The following ERP29 variants were observed in gnomAD, a reference collection of about 807,000 sequenced individuals.
ERP29 encodes endoplasmic reticulum resident protein 29.
A neutral mutation model predicts 21.7 loss-of-function variants in ERP29; 14 were observed. The ratio of observed to expected loss-of-function variants is 0.64; its 90% confidence interval spans 0.43 to 1.01. The LOEUF is 1.01. ERP29 is among the 50% of genes least tolerant of loss of function. The pLI is 0.00. For missense variants in ERP29, 286 were observed against 327.3 expected (o/e 0.87, Z 0.97); for synonymous variants, 129 against 139.1 (o/e 0.93, Z 0.51).
chr12:112,020,211 G>T (rs1489976329), intron 2 of ERP29, among the ~76,000 whole-genome samples: 6 of 152,086 alleles, frequency 3.9e-5, no homozygotes, highest in African/African-American at 1.4e-4. Flanking sequence ...CTGGGCAGAG[G>T]GGGTGCTATG....
rs964229041 is a variant in ERP29 at position 112,022,719 on chromosome 12, G to C, written c.*67G>C. ...AGGGGAGAGTTAACCTGCTGGCTGT[G>C]AGTCCCTTGTGGAATATAAGGGGGT... On this transcript the variant is annotated 3_prime_UTR_variant, in exon 3 of 3. Coordinates refer to ENST00000261735, the MANE Select transcript of ERP29 (RefSeq NM_006817.4). 10 of 1,500,652 alleles carry C rather than the reference G, an allele frequency of 6.7e-6. No individual in the cohort carries two copies. Among genetic ancestry groups the C allele is most frequent in the Non-Finnish European group, 8.9e-6 (10 of 1,118,780 alleles). The allele number at this position is 1,500,652 out of a possible 1,614,324, so 93.0% of individuals were successfully genotyped here.
intron 1 of ERP29, among the ~76,000 whole-genome samples, chr12:112,017,854 G>A (rs916227834): frequency 1.3e-4 from 18 of 141,426 alleles, no homozygotes; most frequent in African/African-American, 3.8e-4. Context: ...GCGCGATCTC[G>A]GCTCACCGCA....
chr12:112,015,202 T>C (rs1227674275), intron 1 of ERP29: 1 of 132,924 alleles, frequency 7.5e-6, no homozygotes, highest in African/African-American at 2.9e-5. Flanking sequence ...AAAAAAAAAG[T>C]GTGGGCTGGG....
Position 112,022,621 on chromosome 12 carries a change from A to G in ERP29, c.755A>G (p.Gln252Arg). The change falls in exon 3 of 3, where the codon CAG becomes CGG. Residue 252 changes from glutamine to arginine, a missense_variant. By Grantham distance (43) the Gln-to-Arg change is conservative. Coordinates refer to ENST00000261735, the MANE Select transcript of ERP29 (RefSeq NM_006817.4). ...AGCTTAAACATCCTGACTGCCTTCC[A>G]GAAGAAGGGGGCCGAGAAAGAGGAG... is the stretch of plus-strand genomic sequence containing the variant. ...QKSLNILTAF[Q>R]KKGAEKEEL 5 of 1,612,066 alleles carry G rather than the reference A, an allele frequency of 3.1e-6. No individual in the cohort carries two copies. The highest frequency in any genetic ancestry group is 4.2e-6 in the Non-Finnish European group (5 of 1,178,836).
Position 112,022,490 on chromosome 12 carries a change from G to A in ERP29, c.624G>A (p.Lys208=). ...AGCAATACCTGAAGATCATGGGGAA[G>A]ATCTTAGACCAAGGGGAGGACTTCC... ...WAEQYLKIMG[K]ILDQGEDFPA... is the part of the protein sequence containing the mutation. The change falls in exon 3 of 3, where the codon AAG becomes AAA. Residue 208 remains lysine (K), a synonymous_variant. Transcript: ENST00000261735. The A allele has an allele frequency of 6.2e-7, 1 of 1,614,198 alleles. No homozygotes were observed. The highest frequency in any genetic ancestry group is 8.5e-7 in the Non-Finnish European group (1 of 1,180,034).
chr12:112,022,472 C>T lies in ERP29; in HGVS notation c.606C>T (p.Tyr202=). 1 of 1,614,124 alleles carries T rather than the reference C, an allele frequency of 6.2e-7. No homozygotes were observed. The highest frequency in any genetic ancestry group is 1.1e-5 in the South Asian group (1 of 91,074). The change falls in exon 3 of 3, where the codon TAC becomes TAT. Residue 202 remains tyrosine (Y), a synonymous_variant. Coordinates refer to ENST00000261735, the MANE Select transcript of ERP29 (RefSeq NM_006817.4). The part of the protein sequence containing the change: ...KETQKKWAEQ[Y]LKIMGKILDQ... Reference sequence around the variant, plus strand: ...CTCAGAAGAAGTGGGCCGAGCAATACCTGAAGATCATGGGGAAGATCTTAG... The same window carrying T: ...CTCAGAAGAAGTGGGCCGAGCAATATCTGAAGATCATGGGGAAGATCTTAG...
rs2078058998 is a variant in ERP29, at chr12:112,022,778, G to A, written c.*126G>A. On this transcript the variant is annotated 3_prime_UTR_variant, in exon 3 of 3. Coordinates refer to ENST00000261735, the MANE Select transcript of ERP29 (RefSeq NM_006817.4). Reference sequence around the variant, plus strand: ...AAGTGGTACTAACCCACGATTCTGAGCCCTGAGTATGCCTGGACATTGATG... The same window carrying A: ...AAGTGGTACTAACCCACGATTCTGAACCCTGAGTATGCCTGGACATTGATG... 2.1e-6 allele frequency: 2 copies of A among 933,324 alleles called. No homozygotes were observed. The highest frequency in any genetic ancestry group is 3.2e-6 in the Non-Finnish European group (2 of 627,140). The allele number at this position is 933,324 out of a possible 1,614,324, so 57.8% of individuals were successfully genotyped here. A position where few individuals can be genotyped will look rare whatever the true frequency, so the allele number is the denominator to read the frequency against.
intron 1 of ERP29, among the ~76,000 whole-genome samples, chr12:112,017,846 G>A (rs931044283): frequency 2.1e-5 from 3 of 145,982 alleles, no homozygotes; most frequent in Non-Finnish European, 4.5e-5. Context: ...GTGCAGTGGC[G>A]CGATCTCGGC....
chr12:112,019,515 A>T, intron 1 of ERP29: 1 of 535,098 alleles, frequency 1.9e-6, no homozygotes, highest in Non-Finnish European at 3.4e-6. Context: ...TTTATTCTGG[A>T]CAGGGTTGTG....
Position 112,013,444 on chromosome 12 carries a change from C to G in ERP29, c.-22C>G. 6.2e-7 allele frequency: 1 copy of G among 1,602,108 alleles called. No homozygotes were observed. Among genetic ancestry groups the G allele is most frequent in the Non-Finnish European group, 8.5e-7 (1 of 1,174,350 alleles). On this transcript the variant is annotated 5_prime_UTR_variant, in exon 1 of 3. Transcript: ENST00000261735. ...GTTCTCCACTATCGCTTACCTACCT[C>G]CCTCTGCAGGAACCCGGCGATATGG...
Position 112,019,929 on chromosome 12 carries a change from G to A in ERP29, c.283+35G>A, listed in dbSNP as rs116237836. On this transcript the variant is annotated intron_variant, in intron 2 of 2. Transcript: ENST00000261735. Reference sequence around the variant, plus strand: ...AGTCCAGGACGGCTGGGGGGGCAGAGAGGGAGGAAGCTAGAAATCGTTTCC... The same window carrying A: ...AGTCCAGGACGGCTGGGGGGGCAGAAAGGGAGGAAGCTAGAAATCGTTTCC... 5.6e-4 allele frequency: 910 copies of A among 1,612,290 alleles called. 8 individuals are homozygous for A. The African/African-American group carries it at 0.011, about 19-fold the overall frequency.
intron 2 of ERP29, 49 bp downstream of exon 2, chr12:112,019,943 G>C: frequency 6.2e-7 from 1 of 1,608,880 alleles, no homozygotes; most frequent in Non-Finnish European, 8.5e-7. Flanking sequence ...GAGGAAGCTA[G>C]AAATCGTTTC....
At chr12:112,017,779 T>C (rs2078020470) in intron 1 of ERP29, among the ~76,000 whole-genome samples, 1 of 141,944 alleles carries the variant, frequency 7.0e-6, no homozygotes, top group Non-Finnish European at 1.5e-5. Context: ...GTATCTTTTT[T>C]TTTCTTTTTT....
At chr12:112,019,423 G>T (rs1246536249) in intron 1 of ERP29, 1 of 362,818 alleles carries the variant, frequency 2.8e-6, no homozygotes, top group East Asian at 6.8e-5. Flanking sequence ...CATGACAGGG[G>T]CTGATGTAGT....
chr12:112,022,508 G>A lies in ERP29; in HGVS notation c.642G>A (p.Glu214=). ...KIMGKILDQG[E]DFPASEMTRI... Reference sequence around the variant, plus strand: ...TGGGGAAGATCTTAGACCAAGGGGAGGACTTCCCAGCATCAGAGATGACAC... The same window carrying A: ...TGGGGAAGATCTTAGACCAAGGGGAAGACTTCCCAGCATCAGAGATGACAC... Residue 214 remains glutamate (E), a synonymous_variant, in exon 3 of 3, where the codon GAG becomes GAA. Coordinates refer to ENST00000261735, the MANE Select transcript of ERP29 (RefSeq NM_006817.4). 6.2e-7 allele frequency: 1 copy of A among 1,614,166 alleles called. No homozygotes were observed. The highest frequency in any genetic ancestry group is 8.5e-7 in the Non-Finnish European group (1 of 1,180,034).
Position 112,022,148 on chromosome 12 carries a change from A to G in ERP29, c.284-2A>G. ...CTTTTTGTGTCTGGTTTCTGCTCAC[A>G]GATTATGGTGACAAGCTGAACATGG... On this transcript the variant is annotated splice_acceptor_variant, in intron 2 of 2. Coordinates refer to ENST00000261735, the MANE Select transcript of ERP29 (RefSeq NM_006817.4). LOFTEE classifies it high-confidence loss of function. 6.2e-7 allele frequency: 1 copy of G among 1,613,826 alleles called. No individual in the cohort carries two copies. The highest frequency in any genetic ancestry group is 1.1e-5 in the South Asian group (1 of 91,026).
In ERP29 at chr12:112,013,431, C is replaced by T. The variant is rs779569535; in HGVS notation, c.-35C>T. ...GCTGACTCGGGGCGTTCTCCACTAT[C>T]GCTTACCTACCTCCCTCTGCAGGAA... On this transcript the variant is annotated 5_prime_UTR_variant, in exon 1 of 3. Transcript: ENST00000261735. 6.9e-6 allele frequency: 11 copies of T among 1,589,028 alleles called. No homozygotes were observed. The African/African-American group carries it at 1.3e-4, about 19-fold the overall frequency.
Position 112,022,770 on chromosome 12 carries a change from G to A in ERP29, c.*118G>A, listed in dbSNP as rs1396583863. On this transcript the variant is annotated 3_prime_UTR_variant, in exon 3 of 3. Coordinates refer to ENST00000261735, the MANE Select transcript of ERP29 (RefSeq NM_006817.4). ...AGTGGGAAAAGTGGTACTAACCCAC[G>A]ATTCTGAGCCCTGAGTATGCCTGGA... 13 of 1,014,382 alleles carry A rather than the reference G, an allele frequency of 1.3e-5. No homozygotes were observed. Among genetic ancestry groups the A allele is most frequent in the East Asian group, 9.8e-5 (4 of 40,876 alleles). 62.8% of individuals were successfully genotyped at this position (1,014,382 alleles called of 1,614,324 possible).
intron 1 of ERP29, among the ~76,000 whole-genome samples, chr12:112,017,447 T>C (rs557540087): frequency 6.6e-6 from 1 of 152,256 alleles, no homozygotes; most frequent in South Asian, 2.1e-4. Context: ...AACTGAGCCT[T>C]GAACGATAAA....
Sources: gnomAD v4.1 joint callset for allele counts (sites outside exome capture counted in the v4.1 genomes callset) on GRCh38, gnomAD v4.1.1 for gene constraint, MANE v1.5 for transcripts, NCBI Gene and HGNC (gene_info 2026-07-23, HGNC 2026-07-21) for gene names.